CFAP299: variants seen among roughly 807,000 people sequenced by gnomAD.
CFAP299 encodes cilia- and flagella-associated protein 299.
CFAP299 carries 21 observed loss-of-function variants against 27.0 expected under a neutral mutation model. The ratio of observed to expected loss-of-function variants is 0.78; its 90% confidence interval spans 0.55 to 1.12. The LOEUF (loss-of-function observed/expected upper bound fraction) is 1.12. Among genes scored for constraint, CFAP299 ranks in the 50% most tolerant of loss-of-function variants. The pLI is 0.00. For missense variants in CFAP299, 310 were observed against 276.6 expected, an observed-to-expected ratio of 1.12 and a Z score of -0.86; for synonymous variants, 104 against 98.1, an observed-to-expected ratio of 1.06 and a Z score of -0.36.
chr4:80,639,044 ACTC>A (rs1307132146), intron 3 of CFAP299, among the ~76,000 whole-genome samples: 1 of 151,658 alleles, frequency 6.6e-6, no homozygotes, highest in Non-Finnish European at 1.5e-5. Flanking sequence ...TAAGGCCACT[ACTC>A]CTATTATGAG....
At chr4:80,600,477 G>A (rs758516227) in intron 3 of CFAP299, among the ~76,000 whole-genome samples, 10 of 152,034 alleles carry the variant, frequency 6.6e-5, no homozygotes, top group Non-Finnish European at 1.0e-4. Flanking sequence ...GACAGTGTAC[G>A]TTTATTTTCC....
chr4:80,896,212 A>G (rs376966488), intron 4 of CFAP299, among the ~76,000 whole-genome samples: 2 of 152,124 alleles, frequency 1.3e-5, no homozygotes, highest in South Asian at 2.1e-4. Flanking sequence ...TTGAATTTGA[A>G]TCACCTAATA....
intron 3 of CFAP299, among the ~76,000 whole-genome samples, chr4:80,673,560 T>G (rs1172158145): frequency 6.6e-6 from 1 of 152,166 alleles, no homozygotes; most frequent in African/African-American, 2.4e-5. Context: ...AGTCTGGATA[T>G]CCTTATTAAC....
At chr4:80,436,746 T>A (rs1252588638) in intron 2 of CFAP299, among the ~76,000 whole-genome samples, 3 of 152,204 alleles carry the variant, frequency 2.0e-5, no homozygotes, top group Non-Finnish European at 4.4e-5. Flanking sequence ...AAAAATATAA[T>A]ACGACCTTTT....
chr4:80,328,292 G>C, the CFAP299 span, among the ~76,000 whole-genome samples: 1 of 152,188 alleles, frequency 6.6e-6, no homozygotes, highest in South Asian at 2.1e-4. Context: ...GAATGTGCTT[G>C]TATGCCGTTG....
chr4:80,765,258 C>T (rs116663637), intron 3 of CFAP299, among the ~76,000 whole-genome samples: 5,738 of 152,144 alleles, frequency 0.038, 378 homozygotes, highest in African/African-American at 0.13. Context: ...GGATCTAAAA[C>T]GTATTGTACT....
intron 3 of CFAP299, among the ~76,000 whole-genome samples, chr4:80,706,097 A>G (rs1230804303): frequency 6.6e-6 from 1 of 151,876 alleles, no homozygotes; most frequent in Non-Finnish European, 1.5e-5. Context: ...ACGGTAATAT[A>G]TCATTAACTA....
intron 2 of CFAP299, among the ~76,000 whole-genome samples, chr4:80,399,405 A>G (rs1053718781): frequency 6.6e-6 from 1 of 152,108 alleles, no homozygotes; most frequent in African/African-American, 2.4e-5. Flanking sequence ...TGTTTATTGC[A>G]GCACTATTCA....
chr4:80,399,757 T>C (rs975882646), intron 2 of CFAP299, among the ~76,000 whole-genome samples: 4 of 151,262 alleles, frequency 2.6e-5, no homozygotes, highest in African/African-American at 9.7e-5. Flanking sequence ...AGTTAATAGG[T>C]GCAGCACACC....
chr4:80,897,297 T>A (rs1734655098), intron 4 of CFAP299, among the ~76,000 whole-genome samples: 2 of 152,192 alleles, frequency 1.3e-5, no homozygotes, highest in South Asian at 4.1e-4. Context: ...ATATTAGGCA[T>A]CTACTCTGAG....
chr4:80,746,468 T>C (rs1462946686), intron 3 of CFAP299, among the ~76,000 whole-genome samples: 2 of 152,108 alleles, frequency 1.3e-5, no homozygotes, highest in East Asian at 3.8e-4. Context: ...CTAAGGGAAG[T>C]AACATTTTGC....
intron 3 of CFAP299, among the ~76,000 whole-genome samples, chr4:80,732,724 T>C (rs533612427): frequency 6.6e-6 from 1 of 152,258 alleles, no homozygotes; most frequent in East Asian, 1.9e-4. Context: ...CTACATTCTT[T>C]TCTGTATTTC....
chr4:80,386,919 T>C, intron 2 of CFAP299: 4 of 843,386 alleles, frequency 4.7e-6, no homozygotes, highest in Non-Finnish European at 8.3e-6. Context: ...GCCTGAGTGG[T>C]TGTGAGCGCG....
At chr4:80,544,435 A>G (rs898890247) in intron 2 of CFAP299, among the ~76,000 whole-genome samples, 1 of 152,216 alleles carries the variant, frequency 6.6e-6, no homozygotes, top group African/African-American at 2.4e-5. Context: ...AGTTGGATAG[A>G]GAAACAATAC....
At chr4:80,960,274 T>A (rs909699756) in intron 5 of CFAP299, among the ~76,000 whole-genome samples, 1 of 151,930 alleles carries the variant, frequency 6.6e-6, no homozygotes, top group Non-Finnish European at 1.5e-5. Flanking sequence ...CAAAATTTAC[T>A]CTTCATTTTG....
Position 80,891,797 on chromosome 4 carries a change from A to T in CFAP299, c.476+21662A>T, listed in dbSNP as rs1231854875. On this transcript the variant is annotated intron_variant, in intron 4 of 5. Transcript: ENST00000358105. ...AAAAATTAAAAAAAAAATAAAAAAA[A>T]AAATAAAAGCTTTGAGAAGCCCTAG... Among the ~76,000 whole-genome samples the T allele has an allele frequency of 5.6e-4, 80 of 142,162 alleles. 1 individual carries two copies. The highest frequency in any genetic ancestry group is 1.7e-3 in the African/African-American group (64 of 37,890). The allele number at this position is 142,162 out of a possible 152,430, so 93.3% of individuals were successfully genotyped here.
chr4:80,496,497 A>G (rs1010291532), intron 2 of CFAP299, among the ~76,000 whole-genome samples: 7 of 152,168 alleles, frequency 4.6e-5, no homozygotes, highest in African/African-American at 1.7e-4. Flanking sequence ...CCTGGCCTAC[A>G]TTATCTATAT....
chr4:80,882,812 C>T lies in CFAP299; in HGVS notation c.476+12677C>T, dbSNP rs139100920. Reference sequence around the variant, plus strand: ...AAAACTGCCAACCAAAAATAATATACGAGCAAAGCTATCCTTCAGAAATGA... The same window carrying T: ...AAAACTGCCAACCAAAAATAATATATGAGCAAAGCTATCCTTCAGAAATGA... On this transcript the variant is annotated intron_variant, in intron 4 of 5. Transcript: ENST00000358105. Among the ~76,000 whole-genome samples, 283 of 151,954 alleles carry T rather than the reference C, an allele frequency of 1.9e-3. 2 individuals carry two copies. Among genetic ancestry groups the T allele is most frequent in the African/African-American group, 6.7e-3 (276 of 41,466 alleles).
At chr4:80,419,959 G>A (rs907852413) in intron 2 of CFAP299, among the ~76,000 whole-genome samples, 1 of 152,018 alleles carries the variant, frequency 6.6e-6, no homozygotes, top group African/African-American at 2.4e-5. Context: ...CAAATTTATT[G>A]ACATGCACAT....
Sources: gnomAD v4.1 joint callset for allele counts (sites outside exome capture counted in the v4.1 genomes callset) on GRCh38, gnomAD v4.1.1 for gene constraint, MANE v1.5 for transcripts, NCBI Gene and HGNC (gene_info 2026-07-23, HGNC 2026-07-21) for gene names.